Variants in MADCAM1 observed in about 807,000 individuals in gnomAD.
MADCAM1 encodes mucosal addressin cell adhesion molecule 1.
MADCAM1 carries 19 observed loss-of-function variants against 26.1 expected under a neutral mutation model. That is an observed-to-expected ratio of 0.73 (90% CI 0.51 to 1.07). The LOEUF (loss-of-function observed/expected upper bound fraction) is 1.07. Among genes scored for constraint, MADCAM1 ranks in the 50% least tolerant of loss-of-function variants. The probability of loss-of-function intolerance (pLI) is 0.00; values close to 1 mark genes in which losing one functional copy is unlikely to be tolerated. For synonymous variants in MADCAM1, 268 were observed against 260.9 expected (o/e 1.03, Z -0.26); for missense variants, 514 against 542.1 (o/e 0.95, Z 0.51).
At chr19:503,409 G>A (rs560481777) in intron 4 of MADCAM1, among the ~76,000 whole-genome samples, 50 of 151,368 alleles carry the variant, frequency 3.3e-4, no homozygotes, top group Middle Eastern at 3.4e-3. Flanking sequence ...GTGAAACCCC[G>A]TCTCCACTAA....
At chr19:502,404 C>T (rs774619060) in intron 4 of MADCAM1, among the ~76,000 whole-genome samples, 9 of 151,832 alleles carry the variant, frequency 5.9e-5, no homozygotes, top group East Asian at 1.9e-4. Context: ...TGGGTTCAAG[C>T]GATTCTCCTG....
chr19:504,255 CTTTTTTTTTTTTTT>C (rs141972615), intron 4 of MADCAM1, among the ~76,000 whole-genome samples: 1 of 88,150 alleles, frequency 1.1e-5, no homozygotes, highest in Non-Finnish European at 2.3e-5. Flanking sequence ...CCGGTCTGCC[CTTTTTTTTTTTTTT>C]TTTTTTTTTT....
In MADCAM1 at chr19:498,835, C is replaced by A. The variant is rs561227559; in HGVS notation, c.667+10C>A. The A allele has an allele frequency of 4.8e-6, 6 of 1,240,204 alleles. No homozygotes were observed. The Admixed American group carries it at 2.0e-4, about 40-fold the overall frequency. The allele number at this position is 1,240,204 out of a possible 1,614,324, so 76.8% of individuals were successfully genotyped here. ...CGCCAGGCCATCCCCGGTGAGTCCG[C>A]TGGGTGCCCTGGAGACCCACCCGCT... is the stretch of plus-strand genomic sequence containing the variant. On this transcript the variant is annotated intron_variant, in intron 3 of 4. Transcript: ENST00000215637.
chr19:498,312 C>G (rs538798785), intron 2 of MADCAM1, among the ~76,000 whole-genome samples, 184 bp from the exon 3 acceptor site: 2 of 152,260 alleles, frequency 1.3e-5, no homozygotes, highest in Admixed American at 6.5e-5. Context: ...GGCCCATCCT[C>G]CTGTCTATTC....
intron 1 of MADCAM1, 44 bp from the exon 2 acceptor site, chr19:497,789 G>T: frequency 8.0e-7 from 1 of 1,248,780 alleles, no homozygotes; most frequent in Non-Finnish European, 1.0e-6. Flanking sequence ...GCGGGGCGGG[G>T]TCCGGGACTC....
chr19:505,189 C>A lies in MADCAM1; in HGVS notation c.*224C>A, dbSNP rs575052938. On this transcript the variant is annotated 3_prime_UTR_variant, in exon 5 of 5. Coordinates refer to ENST00000215637, the MANE Select transcript of MADCAM1 (RefSeq NM_130760.3). ...CTGAAGCCCCTCCCTGAGTGGTCCCCACCTTTCTGGACGGAACCACGTACT... is the reference window on the plus strand; with the variant it reads ...CTGAAGCCCCTCCCTGAGTGGTCCCAACCTTTCTGGACGGAACCACGTACT... 25 of 472,880 alleles carry A rather than the reference C, an allele frequency of 5.3e-5. No individual in the cohort carries two copies. Among genetic ancestry groups the A allele is most frequent in the Non-Finnish European group, 7.5e-5 (20 of 266,390 alleles). The allele number at this position is 472,880 out of a possible 1,614,324, so 29.3% of individuals were successfully genotyped here. A position where few individuals can be genotyped will look rare whatever the true frequency, so the allele number is the denominator to read the frequency against.
chr19:500,639 G>A (rs1365704322), intron 3 of MADCAM1, among the ~76,000 whole-genome samples: 1 of 152,166 alleles, frequency 6.6e-6, no homozygotes, highest in Non-Finnish European at 1.5e-5. Flanking sequence ...GGGAAGCTGA[G>A]GTGGGTGGAT....
At chr19:502,953 A>G (rs912176640) in intron 4 of MADCAM1, among the ~76,000 whole-genome samples, 5 of 152,182 alleles carry the variant, frequency 3.3e-5, no homozygotes, top group Non-Finnish European at 5.9e-5. Context: ...AAGCAGTAAC[A>G]TTTCCAAATA....
chr19:498,785 G>C lies in MADCAM1; in HGVS notation c.627G>C (p.Arg209Ser). The change falls in exon 3 of 5, where the codon AGG becomes AGC. Residue 209 changes from arginine to serine, a missense_variant. By Grantham distance (110) the Arg-to-Ser change is moderately radical. This residue lies in a region of MADCAM1 where 317 missense variants were observed against 313.6 expected (regional missense o/e 1.01). Transcript: ENST00000215637. ...CCCTCTACTGCCAGGCCACGATGAG[G>C]CTGCCTGGCTTGGAGCTCAGCCACC... ...PPALYCQATMRLPGLELSHRQ... is the reference protein window; with the variant it reads ...PPALYCQATMSLPGLELSHRQ... 6.6e-7 allele frequency: 1 copy of C among 1,506,198 alleles called. No individual in the cohort carries two copies. The highest frequency in any genetic ancestry group is 8.8e-7 in the Non-Finnish European group (1 of 1,137,912). The allele number at this position is 1,506,198 out of a possible 1,614,324, so 93.3% of individuals were successfully genotyped here.
At chr19:503,405 C>T (rs1462272193) in intron 4 of MADCAM1, among the ~76,000 whole-genome samples, 8 of 151,104 alleles carry the variant, frequency 5.3e-5, no homozygotes, top group South Asian at 2.1e-4. Flanking sequence ...CACGGTGAAA[C>T]CCCGTCTCCA....
Position 505,113 on chromosome 19 carries a change from G to C in MADCAM1, c.*148G>C. On this transcript the variant is annotated 3_prime_UTR_variant, in exon 5 of 5. Coordinates refer to ENST00000215637, the MANE Select transcript of MADCAM1 (RefSeq NM_130760.3). ...ATGTTCTGATTGCCTCTTTGGAGAA[G>C]CTCATCAGAAACTCAAAAGAAGGCC... 1 of 583,794 alleles carries C rather than the reference G, an allele frequency of 1.7e-6. No homozygotes were observed. Among genetic ancestry groups the C allele is most frequent in the Non-Finnish European group, 2.9e-6 (1 of 349,686 alleles). The allele number at this position is 583,794 out of a possible 1,614,324, so 36.2% of individuals were successfully genotyped here.
In MADCAM1 at chr19:498,591, A is replaced by G; in HGVS notation, c.433A>G (p.Asn145Asp). ...CCACAAAGTCACGCCCGTGGACCCC[A>G]ACGCGCTCTCCTTCTCCCTGCTCGT... ...TAHKVTPVDP[N>D]ALSFSLLVGG... Residue 145 changes from asparagine (N) to aspartate (D), a missense_variant, in exon 3 of 5, where the codon AAC becomes GAC. By Grantham distance (23) the Asn-to-Asp change is conservative (BLOSUM62 1). Around this residue, in one of 3 missense-constraint regions of MADCAM1, gnomAD observed 317 missense variants for 313.6 expected, o/e 1.01. Coordinates refer to ENST00000215637, the MANE Select transcript of MADCAM1 (RefSeq NM_130760.3). The G allele has an allele frequency of 6.7e-7, 1 of 1,484,306 alleles. No homozygotes were observed. The highest frequency in any genetic ancestry group is 8.9e-7 in the Non-Finnish European group (1 of 1,121,580). 91.9% of individuals were successfully genotyped at this position (1,484,306 alleles called of 1,614,324 possible).
At position 504,969 on chromosome 19, in the gene MADCAM1, G is replaced by A; in HGVS notation, c.*4G>A. ...GGTCGGGATCAGCCCCTCCTGAGTG[G>A]CCAGCCTTTCCCCCTGTGAAAGCAA... On this transcript the variant is annotated 3_prime_UTR_variant, in exon 5 of 5. Transcript: ENST00000215637. 1 of 1,581,836 alleles carries A rather than the reference G, an allele frequency of 6.3e-7. No individual in the cohort carries two copies. Among genetic ancestry groups the A allele is most frequent in the Non-Finnish European group, 8.6e-7 (1 of 1,157,034 alleles).
chr19:498,900 T>TG (rs1179879265), intron 3 of MADCAM1, 75 bp downstream of exon 3: 20 of 71,860 alleles, frequency 2.8e-4, no homozygotes, highest in Middle Eastern at 1.1e-3. Context: ...GGTGGGGGGG[T>TG]GGGGGGGCAG....
Position 501,859 on chromosome 19 carries a change from C to T in MADCAM1, c.858C>T (p.Gly286=). 1.3e-6 allele frequency: 2 copies of T among 1,558,344 alleles called. No individual in the cohort carries two copies. Among genetic ancestry groups the T allele is most frequent in the South Asian group, 1.2e-5 (1 of 84,734 alleles). The change falls in exon 4 of 5, where the codon GGC becomes GGT. Residue 286 remains glycine (G), a synonymous_variant. Transcript: ENST00000215637. ...CCACACACACCCCCAGGAGCCCAGG[C>T]TCCACCAGGACTCGCCGCCCTGAGA... ...QGSTHTPRSP[G]STRTRRPEIS...
At chr19:497,126 A>G (rs1392509376) in intron 1 of MADCAM1, among the ~76,000 whole-genome samples, 6 of 10,240 alleles carry the variant, frequency 5.9e-4, no homozygotes, top group Admixed American at 1.2e-3. Context: ...CAGGAGAGAG[A>G]AGGGGCTCAG....
chr19:499,501 C>T (rs1600386503), intron 3 of MADCAM1, among the ~76,000 whole-genome samples: 2 of 152,282 alleles, frequency 1.3e-5, no homozygotes, highest in South Asian at 2.1e-4. Context: ...CGGGAACAAA[C>T]GCACACACCC....
chr19:499,437 C>T, intron 3 of MADCAM1: 2 of 449,212 alleles, frequency 4.5e-6, no homozygotes, highest in South Asian at 1.6e-5. Flanking sequence ...CACACACACG[C>T]GTGCACACAG....
chr19:498,214 G>A (rs1978295645), intron 2 of MADCAM1, 97 bp downstream of exon 2: 3 of 1,204,286 alleles, frequency 2.5e-6, no homozygotes, highest in Middle Eastern at 2.1e-4. Context: ...TTGCAGGCAG[G>A]GTCCCAGCTC....
Sources: allele counts gnomAD v4.1 joint callset (sites outside exome capture counted in the v4.1 genomes callset), GRCh38; gene constraint gnomAD v4.1.1; regional missense constraint gnomAD v4.1.1; transcripts MANE v1.5; gene names NCBI Gene and HGNC (gene_info 2026-07-23, HGNC 2026-07-21).